The following CSMD2 variants were observed in gnomAD, a reference collection of about 807,000 sequenced individuals.
The protein encoded by CSMD2 is CUB and Sushi multiple domains 2.
A neutral mutation model predicts 398.5 loss-of-function variants in CSMD2; 130 were observed. The ratio of observed to expected loss-of-function variants is 0.33; its 90% CI spans 0.28 to 0.38. CSMD2 has a LOEUF of 0.38. Ranked by LOEUF, CSMD2 falls within the 10% of genes least tolerant of loss-of-function variation. The pLI is 1.00. For synonymous variants in CSMD2, 1,828 were observed against 1,908.5 expected, an observed-to-expected ratio of 0.96 and a Z score of 1.10; for missense variants, 3,829 against 4,764.9, an observed-to-expected ratio of 0.80 and a Z score of 5.78.
chr1:33,817,852 G>C (rs1657650623), intron 9 of CSMD2, among the ~76,000 whole-genome samples: 1 of 152,218 alleles, frequency 6.6e-6, no homozygotes, highest in African/African-American at 2.4e-5. Flanking sequence ...ATGATTTCCT[G>C]TTGTTTTACA....
chr1:34,074,440 C>T (rs1341008163), intron 2 of CSMD2, among the ~76,000 whole-genome samples: 2 of 152,174 alleles, frequency 1.3e-5, no homozygotes, highest in Non-Finnish European at 2.9e-5. Flanking sequence ...CAAAATGAAC[C>T]TACCCATTGT....
At chr1:34,117,414 A>G (rs1469026231) in intron 1 of CSMD2, among the ~76,000 whole-genome samples, 1 of 152,170 alleles carries the variant, frequency 6.6e-6, no homozygotes, top group Admixed American at 6.5e-5. Context: ...TCATGAAGAA[A>G]TAAAAACTCT....
intron 44 of CSMD2, chr1:33,600,307 G>T: frequency 1.6e-6 from 1 of 607,730 alleles, no homozygotes; most frequent in Non-Finnish European, 3.0e-6. Context: ...CATTCTATAA[G>T]TTTCTCTAGG....
At position 33,918,332 on chromosome 1, in the gene CSMD2, A is replaced by G. The variant is rs774788666; in HGVS notation, c.713-31T>C. 7 of 1,601,722 alleles carry G rather than the reference A, an allele frequency of 4.4e-6. No homozygotes were observed. The South Asian group carries it at 7.7e-5, about 18-fold the overall frequency. On this transcript the variant is annotated intron_variant, in intron 4 of 70. Coordinates refer to ENST00000373381, the MANE Select transcript of CSMD2 (RefSeq NM_001281956.2). ...GGCACAGAGAGAAGAGGCTTACATG[A>G]GTAGTCTGGTTTTCAAGCCCTAGCA... is the stretch of plus-strand genomic sequence containing the variant.
At chr1:33,836,885 G>A (rs746046818) in intron 6 of CSMD2, among the ~76,000 whole-genome samples, 3 of 152,090 alleles carry the variant, frequency 2.0e-5, no homozygotes, top group Non-Finnish European at 1.5e-5. Flanking sequence ...CCCACTCTCC[G>A]ACAATCCCCA....
chr1:33,787,665 G>A lies in CSMD2; in HGVS notation c.1663+935C>T, dbSNP rs376585447. Among the ~76,000 whole-genome samples the A allele has an allele frequency of 4.6e-5, 7 of 152,298 alleles. No individual in the cohort carries two copies. In the East Asian group the frequency reaches 7.7e-4, roughly 17 times the overall value. On this transcript the variant is annotated intron_variant, in intron 12 of 70. Coordinates refer to ENST00000373381, the MANE Select transcript of CSMD2 (RefSeq NM_001281956.2). ...TAGACTTGATGTGTCTGTCCCCCTTGTGCTGGTCTAGCGTCTAGTACCTAA... is the reference window on the plus strand; with the variant it reads ...TAGACTTGATGTGTCTGTCCCCCTTATGCTGGTCTAGCGTCTAGTACCTAA...
chr1:33,639,338 C>G (rs1642980431), intron 29 of CSMD2, among the ~76,000 whole-genome samples: 1 of 152,196 alleles, frequency 6.6e-6, no homozygotes. Context: ...ACTGCTGCAC[C>G]AGCATTGGAC....
At chr1:34,157,315 G>A (rs74071239) in intron 1 of CSMD2, among the ~76,000 whole-genome samples, 2,624 of 152,176 alleles carry the variant, frequency 0.017, 73 homozygotes, top group African/African-American at 0.059. Flanking sequence ...ATGTGAGGCG[G>A]GTCAAGGTAT....
intron 1 of CSMD2, among the ~76,000 whole-genome samples, chr1:34,156,365 G>A (rs954106450): frequency 5.3e-5 from 8 of 152,216 alleles, no homozygotes; most frequent in East Asian, 1.9e-4. Context: ...GGCCTGAGTC[G>A]ACTCTACCAC....
intron 2 of CSMD2, among the ~76,000 whole-genome samples, chr1:34,061,097 T>C (rs894369444): frequency 2.0e-5 from 3 of 152,142 alleles, no homozygotes; most frequent in Non-Finnish European, 4.4e-5. Context: ...GCCTGGGACA[T>C]TGGCCAATGT....
intron 47 of CSMD2, among the ~76,000 whole-genome samples, chr1:33,581,344 C>T (rs1638685480): frequency 7.3e-6 from 1 of 137,170 alleles, no homozygotes; most frequent in African/African-American, 2.7e-5. Context: ...AAGCAAGACC[C>T]CATCTTTACT....
Position 34,163,141 on chromosome 1 carries a change from A to T in CSMD2, c.187+1770T>A, listed in dbSNP as rs1212200245. ...ACAAATCTAGCCAGAAAAACAATTC[A>T]GTCCGATGCCGAGACATTCTCCAAT... On this transcript the variant is annotated intron_variant, in intron 1 of 70. Transcript: ENST00000373381. This position sits in a 1 kb window ranked among gnomAD's most constrained non-coding sequence, Gnocchi z 5.4. Among the ~76,000 whole-genome samples, 1 of 152,266 alleles carries T rather than the reference A, an allele frequency of 6.6e-6. No individual in the cohort carries two copies. The highest frequency in any genetic ancestry group is 2.1e-4 in the South Asian group (1 of 4,834).
chr1:33,969,882 T>C (rs3738343), intron 3 of CSMD2, among the ~76,000 whole-genome samples: 7,879 of 151,874 alleles, frequency 0.052, 305 homozygotes, highest in East Asian at 0.18. Flanking sequence ...GGAGGCCAGG[T>C]GGGCGGATCA....
chr1:33,884,091 G>A (rs907473167), intron 5 of CSMD2, among the ~76,000 whole-genome samples: 5 of 151,984 alleles, frequency 3.3e-5, no homozygotes, highest in Non-Finnish European at 5.9e-5. Context: ...GGATGTCAGC[G>A]CAATCAACTC....
intron 1 of CSMD2, among the ~76,000 whole-genome samples, chr1:34,132,076 T>A (rs962170010): frequency 1.3e-5 from 2 of 152,026 alleles, no homozygotes; most frequent in African/African-American, 4.8e-5. Flanking sequence ...AGCTTGCATG[T>A]CCCTTCACTG....
chr1:33,743,189 A>G, intron 14 of CSMD2, 91 bp downstream of exon 14: 1 of 1,113,846 alleles, frequency 9.0e-7, no homozygotes, highest in Non-Finnish European at 1.3e-6. Flanking sequence ...CCCCATCCAC[A>G]CCTCCTCCTC....
chr1:33,537,374 G>T lies in CSMD2; in HGVS notation c.9805+62C>A. 6.6e-7 allele frequency: 1 copy of T among 1,519,908 alleles called. No individual in the cohort carries two copies. The highest frequency in any genetic ancestry group is 8.9e-7 in the Non-Finnish European group (1 of 1,119,096). The allele number at this position is 1,519,908 out of a possible 1,614,324, so 94.2% of individuals were successfully genotyped here. On this transcript the variant is annotated intron_variant, in intron 61 of 70. Transcript: ENST00000373381. This position sits in a 1 kb window ranked among gnomAD's most constrained non-coding sequence, Gnocchi z 4.6. ...CAGGGAAGGAAAGTAATCATCTCAGGCCCAAAAGAAGGTCTCCCGCAACCC... is the reference window on the plus strand; with the variant it reads ...CAGGGAAGGAAAGTAATCATCTCAGTCCCAAAAGAAGGTCTCCCGCAACCC...
chr1:33,740,024 GT>G (rs1647004816), intron 14 of CSMD2, among the ~76,000 whole-genome samples: 1 of 152,104 alleles, frequency 6.6e-6, no homozygotes, highest in Non-Finnish European at 1.5e-5. Context: ...ATGAGCCTTA[GT>G]TTCCTGACTG....
intron 44 of CSMD2, among the ~76,000 whole-genome samples, chr1:33,593,487 G>A (rs551076886): frequency 3.3e-5 from 5 of 152,282 alleles, no homozygotes; most frequent in African/African-American, 1.2e-4. Context: ...CTCACATGGT[G>A]GCAGACAAGA....
Sources: allele counts gnomAD v4.1 joint callset (sites outside exome capture counted in the v4.1 genomes callset), GRCh38; gene constraint gnomAD v4.1.1; non-coding constraint Gnocchi (gnomAD v3.1); transcripts MANE v1.5; gene names NCBI Gene and HGNC (gene_info 2026-07-23, HGNC 2026-07-21).